Variants in GRIK2 observed in about 807,000 individuals in gnomAD.
The protein encoded by GRIK2 is glutamate ionotropic receptor kainate type subunit 2, also known as glutamate receptor ionotropic, kainate 2.
A neutral mutation model predicts 100.3 loss-of-function variants in GRIK2; 32 were observed. That is an observed-to-expected ratio of 0.32 (90% confidence interval 0.24 to 0.43). GRIK2 has a LOEUF of 0.43. GRIK2 is among the 20% of genes least tolerant of loss of function. The pLI is 1.00. For synonymous variants in GRIK2, 417 were observed against 389.4 expected (o/e 1.07, Z -0.83); for missense variants, 843 against 1,114.9 (o/e 0.76, Z 3.47).
intron 7 of GRIK2, among the ~76,000 whole-genome samples, chr6:101,772,049 T>C (rs945136134): frequency 1.6e-4 from 25 of 152,170 alleles, no homozygotes; most frequent in African/African-American, 5.8e-4. Flanking sequence ...ATAATTTGTC[T>C]TCAAACATAG....
chr6:101,762,055 TTCCCTTCCTTTCCTTTCCCC>T (rs1424571987), intron 7 of GRIK2, among the ~76,000 whole-genome samples: 1 of 134,712 alleles, frequency 7.4e-6, no homozygotes, highest in Admixed American at 7.4e-5. Context: ...CTTTCCTTCC[TTCCCTTCCTTTCCTTTCCCC>T]TCCCTTCCTT....
chr6:101,671,998 A>T (rs2128338256), intron 4 of GRIK2, among the ~76,000 whole-genome samples: 1 of 152,214 alleles, frequency 6.6e-6, no homozygotes, highest in East Asian at 1.9e-4. Context: ...AAGACATGGA[A>T]ATTAAGGTGT....
At chr6:101,968,199 TATTA>T (rs1792812378) in intron 14 of GRIK2, among the ~76,000 whole-genome samples, 1 of 152,064 alleles carries the variant, frequency 6.6e-6, no homozygotes, top group African/African-American at 2.4e-5. Context: ...TTTATTCAAT[TATTA>T]ATTATGGTTC....
intron 7 of GRIK2, among the ~76,000 whole-genome samples, chr6:101,797,169 C>T (rs902592276): frequency 3.3e-5 from 5 of 150,494 alleles, no homozygotes; most frequent in Admixed American, 1.3e-4. Context: ...AATAGATCAA[C>T]ATTTTTATCT....
At chr6:101,900,731 C>G (rs1292473606) in intron 12 of GRIK2, among the ~76,000 whole-genome samples, 1 of 151,780 alleles carries the variant, frequency 6.6e-6, no homozygotes, top group East Asian at 1.9e-4. Flanking sequence ...GTAAAATTTC[C>G]TGCAAAAAAG....
intron 2 of GRIK2, among the ~76,000 whole-genome samples, chr6:101,613,529 A>G (rs1779768727): frequency 6.6e-6 from 1 of 151,824 alleles, no homozygotes; most frequent in African/African-American, 2.4e-5. Flanking sequence ...TGTAAGTAAA[A>G]GATATTAATC....
rs1249751975 is a variant in GRIK2 at position 101,485,661 on chromosome 6, T to C, written c.115+86269T>C. 4.5e-4 allele frequency among the ~76,000 whole-genome samples: 69 copies of C among 152,126 alleles called. 1 individual carries two copies. Among genetic ancestry groups the C allele is most frequent in the Admixed American group, 4.5e-3 (68 of 15,264 alleles). ...AGTTGATTACAACGGTCCGGGAAGT[T>C]TTATAGGGATAAGAGCAATTATATT... On this transcript the variant is annotated intron_variant, in intron 2 of 16. Transcript: ENST00000369134.
chr6:101,462,286 G>A (rs1404147197), intron 2 of GRIK2, among the ~76,000 whole-genome samples: 1 of 152,098 alleles, frequency 6.6e-6, no homozygotes, highest in Non-Finnish European at 1.5e-5. Flanking sequence ...ATAGACCCAA[G>A]CAGTTTTTAA....
chr6:101,872,395 G>T (rs2128448877), intron 11 of GRIK2, among the ~76,000 whole-genome samples: 1 of 151,940 alleles, frequency 6.6e-6, no homozygotes, highest in Non-Finnish European at 1.5e-5. Context: ...CATGGCAGCA[G>T]CAGGGAAAAA....
intron 7 of GRIK2, among the ~76,000 whole-genome samples, chr6:101,712,416 T>G (rs1301115320): frequency 1.3e-5 from 2 of 151,850 alleles, no homozygotes; most frequent in Non-Finnish European, 2.9e-5. Context: ...TCAGTTTTTT[T>G]TCTTACAGGC....
At chr6:101,403,098 G>C (rs1028333635) in intron 2 of GRIK2, among the ~76,000 whole-genome samples, 4 of 152,174 alleles carry the variant, frequency 2.6e-5, no homozygotes, top group African/African-American at 9.7e-5. Context: ...TTCACCGTTC[G>C]GGAGCCCTCA....
chr6:101,636,807 C>A (rs1402327463), intron 4 of GRIK2, among the ~76,000 whole-genome samples: 1 of 151,940 alleles, frequency 6.6e-6, no homozygotes, highest in East Asian at 1.9e-4. Context: ...TCAAACACTG[C>A]CATTTTTTAA....
intron 2 of GRIK2, among the ~76,000 whole-genome samples, chr6:101,542,944 G>A (rs1390203461): frequency 1.3e-5 from 2 of 152,068 alleles, no homozygotes; most frequent in African/African-American, 4.8e-5. Flanking sequence ...TACCCTAGAT[G>A]TACTAGAATG....
At chr6:101,836,394 T>A (rs1220493876) in intron 10 of GRIK2, among the ~76,000 whole-genome samples, 4 of 151,968 alleles carry the variant, frequency 2.6e-5, no homozygotes, top group Non-Finnish European at 5.9e-5. Context: ...TGACTGTTAG[T>A]GTGAAATAAA....
At chr6:101,655,451 A>C (rs1782010535) in intron 4 of GRIK2, among the ~76,000 whole-genome samples, 1 of 152,180 alleles carries the variant, frequency 6.6e-6, no homozygotes, top group African/African-American at 2.4e-5. Flanking sequence ...CAAGAAAAAT[A>C]CAGCTGCACC....
intron 11 of GRIK2, among the ~76,000 whole-genome samples, chr6:101,866,426 C>T (rs1785056636): frequency 6.6e-6 from 1 of 151,984 alleles, no homozygotes; most frequent in Non-Finnish European, 1.5e-5. Flanking sequence ...TCTCATGTAC[C>T]CCATAAATAT....
intron 14 of GRIK2, among the ~76,000 whole-genome samples, chr6:101,974,666 C>T (rs920632176): frequency 1.3e-5 from 2 of 151,958 alleles, no homozygotes; most frequent in African/African-American, 4.8e-5. Context: ...TTGGTCGAAG[C>T]TCATCCACAT....
chr6:101,864,293 A>T (rs541508892), intron 11 of GRIK2, among the ~76,000 whole-genome samples: 1 of 152,318 alleles, frequency 6.6e-6, no homozygotes, highest in South Asian at 2.1e-4. Flanking sequence ...GAAAAACGTA[A>T]TGACAGGAAG....
chr6:101,866,148 A>C (rs1418032751), intron 11 of GRIK2, among the ~76,000 whole-genome samples: 2 of 152,178 alleles, frequency 1.3e-5, no homozygotes, highest in African/African-American at 4.8e-5. Context: ...ATAATGTTGA[A>C]GTGCCTTCCT....
Sources: allele counts gnomAD v4.1 joint callset (sites outside exome capture counted in the v4.1 genomes callset), GRCh38; gene constraint gnomAD v4.1.1; transcripts MANE v1.5; gene names NCBI Gene and HGNC (gene_info 2026-07-23, HGNC 2026-07-21).